Variants in NALCN observed in about 807,000 individuals in gnomAD.
NALCN encodes sodium leak channel NALCN.
In NALCN, 111 loss-of-function variants were observed where a neutral mutation model predicts 225.3. That is an observed-to-expected ratio of 0.49 (90% confidence interval 0.42 to 0.58). The LOEUF (loss-of-function observed/expected upper bound fraction) is 0.58, where lower values mean the gene tolerates loss of function less well. NALCN is among the 20% of genes least tolerant of loss of function. NALCN has a pLI of 0.00. For missense variants in NALCN, 1,378 were observed against 2,202.4 expected, an observed-to-expected ratio of 0.63 and a Z score of 7.49; for synonymous variants, 764 against 769.0, an observed-to-expected ratio of 0.99 and a Z score of 0.11.
At chr13:101,212,195 C>T (rs186709252) in intron 13 of NALCN, among the ~76,000 whole-genome samples, 1 of 152,200 alleles carries the variant, frequency 6.6e-6, no homozygotes, top group East Asian at 1.9e-4. Context: ...TGACCCAAAT[C>T]TCTACCTGTT....
chr13:101,273,050 G>C (rs1437125427), intron 10 of NALCN, among the ~76,000 whole-genome samples: 1 of 152,226 alleles, frequency 6.6e-6, no homozygotes, highest in East Asian at 1.9e-4. Context: ...TATGCTACCA[G>C]AGGGAAACTG....
At chr13:101,079,416 A>G (rs1006542193) in intron 34 of NALCN, among the ~76,000 whole-genome samples, 1 of 152,136 alleles carries the variant, frequency 6.6e-6, no homozygotes, top group African/African-American at 2.4e-5. Flanking sequence ...CTATGTATCT[A>G]TCCTTCTTCC....
chr13:101,379,051 G>A (rs1207281320), intron 3 of NALCN, among the ~76,000 whole-genome samples: 1 of 152,110 alleles, frequency 6.6e-6, no homozygotes, highest in East Asian at 1.9e-4. Context: ...GCTAGGTTTA[G>A]CACCGTTAGT....
chr13:101,087,908 C>T (rs1365633496), intron 30 of NALCN, among the ~76,000 whole-genome samples: 8 of 152,170 alleles, frequency 5.3e-5, no homozygotes, highest in Admixed American at 5.2e-4. Flanking sequence ...TCTGGGCAAG[C>T]AGTGCCTAAA....
chr13:101,167,436 T>G (rs541693516), intron 15 of NALCN, among the ~76,000 whole-genome samples: 48 of 152,352 alleles, frequency 3.2e-4, no homozygotes, highest in Non-Finnish European at 5.1e-4. Flanking sequence ...AGTGCATTTT[T>G]TAACTTATGA....
At position 101,118,667 on chromosome 13, in the gene NALCN, A is replaced by C. The variant is rs149961986; in HGVS notation, c.2192+5941T>G. ...AGCCAACAATAACCAGGCAGACTTC[A>C]TAGAATTGCAAAGATAAATATTTAT... On this transcript the variant is annotated intron_variant, in intron 18 of 43. Coordinates refer to ENST00000251127, the MANE Select transcript of NALCN (RefSeq NM_052867.4). 5.3e-3 allele frequency among the ~76,000 whole-genome samples: 800 copies of C among 152,324 alleles called. 11 individuals carry two copies. Among genetic ancestry groups the C allele is most frequent in the African/African-American group, 0.018 (749 of 41,576 alleles).
At chr13:101,160,100 A>G (rs34742766) in intron 15 of NALCN, among the ~76,000 whole-genome samples, 74,310 of 151,326 alleles carry the variant, frequency 0.49, 19,382 homozygotes, top group East Asian at 0.94. Context: ...GACTACAGGT[A>G]CACACCACCA....
intron 43 of NALCN, 25 bp from the exon 44 acceptor site, chr13:101,055,513 G>A (rs765641679): frequency 1.2e-6 from 2 of 1,602,890 alleles, no homozygotes; most frequent in Middle Eastern, 1.7e-4. Flanking sequence ...AGTCCTATGA[G>A]CCACTTGGTA....
intron 15 of NALCN, among the ~76,000 whole-genome samples, chr13:101,166,068 T>C (rs1305184119): frequency 6.6e-6 from 1 of 152,218 alleles, no homozygotes. Context: ...GTGTAGCATG[T>C]GTCAGAGTTT....
chr13:101,068,428 T>G (rs1445920539), intron 38 of NALCN, among the ~76,000 whole-genome samples: 1 of 152,194 alleles, frequency 6.6e-6, no homozygotes, highest in East Asian at 1.9e-4. Context: ...GATAGTCCTC[T>G]CTGATATTTG....
intron 14 of NALCN, among the ~76,000 whole-genome samples, chr13:101,178,412 A>G (rs2039052432): frequency 6.6e-6 from 1 of 152,208 alleles, no homozygotes; most frequent in Non-Finnish European, 1.5e-5. Context: ...CATTTCCTTT[A>G]TAAGACTTGG....
At position 101,089,684 on chromosome 13, in the gene NALCN, A is replaced by C; in HGVS notation, c.3468T>G (p.Ile1156Met). ...TTACCTTGTTTTCATTGAAATTAGCAATAACTACTCCAACAAAAAGGGTCA... is the reference window on the plus strand; with the variant it reads ...TTACCTTGTTTTCATTGAAATTAGCCATAACTACTCCAACAAAAAGGGTCA... Reference protein sequence around the residue: ...IGLTLFVGVVIANFNENKGTA... With the variant: ...IGLTLFVGVVMANFNENKGTA... Residue 1156 changes from isoleucine to methionine, a missense_variant, in exon 30 of 44, where the codon ATT becomes ATG. Physicochemically the swap from Ile to Met is conservative, Grantham distance 10 (BLOSUM62 1). Coordinates refer to ENST00000251127, the MANE Select transcript of NALCN (RefSeq NM_052867.4). This position sits in a 1 kb window ranked among gnomAD's most constrained non-coding sequence, Gnocchi z 4.7. 6.2e-7 allele frequency: 1 copy of C among 1,613,998 alleles called. No individual in the cohort carries two copies. Among genetic ancestry groups the C allele is most frequent in the Non-Finnish European group, 8.5e-7 (1 of 1,179,932 alleles).
At chr13:101,267,462 C>T (rs1420828699) in intron 10 of NALCN, among the ~76,000 whole-genome samples, 2 of 152,218 alleles carry the variant, frequency 1.3e-5, no homozygotes, top group Non-Finnish European at 2.9e-5. Context: ...TCCACACATC[C>T]TTGGCAGTAT....
chr13:101,230,766 T>C (rs941870791), intron 12 of NALCN, among the ~76,000 whole-genome samples: 7 of 152,176 alleles, frequency 4.6e-5, no homozygotes, highest in Non-Finnish European at 1.0e-4. Context: ...ACTTCTGTCT[T>C]ATGTAAGTTT....
intron 17 of NALCN, among the ~76,000 whole-genome samples, chr13:101,141,856 G>T (rs1254384241): frequency 6.6e-6 from 1 of 152,064 alleles, no homozygotes; most frequent in African/African-American, 2.4e-5. Context: ...AAGAAAAAGG[G>T]CAGTAACAAT....
chr13:101,261,061 A>T (rs2042409676), intron 10 of NALCN, among the ~76,000 whole-genome samples: 1 of 152,150 alleles, frequency 6.6e-6, no homozygotes, highest in Non-Finnish European at 1.5e-5. Context: ...CCTTACAGAG[A>T]TAGGGGTTAG....
intron 15 of NALCN, among the ~76,000 whole-genome samples, chr13:101,168,447 T>C (rs1295385136): frequency 6.6e-6 from 1 of 152,252 alleles, no homozygotes; most frequent in Non-Finnish European, 1.5e-5. Flanking sequence ...TCATTTCTTC[T>C]TTCTCTTGTA....
chr13:101,256,765 C>CA (rs71745330), intron 11 of NALCN, among the ~76,000 whole-genome samples: 1 of 133,538 alleles, frequency 7.5e-6, no homozygotes, highest in African/African-American at 2.8e-5. Context: ...CTTCTTTCTG[C>CA]TTTTTTTTTT....
intron 35 of NALCN, among the ~76,000 whole-genome samples, chr13:101,075,448 C>T (rs1281883912): frequency 4.6e-5 from 3 of 64,770 alleles, no homozygotes; most frequent in African/African-American, 2.4e-4. Flanking sequence ...AGCAAGACTC[C>T]ATCTCAAAAA....
Sources: gnomAD v4.1 joint callset for allele counts (sites outside exome capture counted in the v4.1 genomes callset) on GRCh38, gnomAD v4.1.1 for gene constraint, Gnocchi (gnomAD v3.1) non-coding constraint, MANE v1.5 for transcripts, NCBI Gene and HGNC (gene_info 2026-07-23, HGNC 2026-07-21) for gene names.